Variants in MYO9A observed in about 807,000 individuals in gnomAD.
The protein encoded by MYO9A is unconventional myosin-IXa.
Under a neutral mutation model 293.3 loss-of-function variants are expected in MYO9A, and 103 were observed. That is an observed-to-expected ratio of 0.35 (90% CI 0.30 to 0.41). The LOEUF is 0.41. MYO9A is among the 10% of genes least tolerant of loss of function. The probability of loss-of-function intolerance (pLI) is 1.00; values close to 1 mark genes in which losing one functional copy is unlikely to be tolerated. For missense variants in MYO9A, 2,685 were observed against 3,033.0 expected (o/e 0.89, Z 2.69); for synonymous variants, 1,001 against 1,035.7 (o/e 0.97, Z 0.64).
At chr15:72,111,522 T>TAG (rs2080779603) in intron 1 of MYO9A, among the ~76,000 whole-genome samples, 1 of 150,810 alleles carries the variant, frequency 6.6e-6, no homozygotes. Context: ...AAACAGGAAA[T>TAG]AGACGTATTC....
At chr15:72,101,234 G>T (rs1455368531) in intron 1 of MYO9A, among the ~76,000 whole-genome samples, 1 of 134,158 alleles carries the variant, frequency 7.5e-6, no homozygotes, top group Non-Finnish European at 1.6e-5. Flanking sequence ...CCCCGTCCGG[G>T]AGGGAGGTGG....
intron 4 of MYO9A, among the ~76,000 whole-genome samples, 196 bp from the exon 5 acceptor site, chr15:72,021,213 G>T (rs186689861): frequency 1.1e-3 from 171 of 152,180 alleles, no homozygotes; most frequent in Non-Finnish European, 2.3e-3. Flanking sequence ...CAAAAGAGAG[G>T]GATGAAGGCA....
intron 16 of MYO9A, 29 bp downstream of exon 16, chr15:71,938,823 C>A: frequency 1.3e-6 from 2 of 1,546,952 alleles, no homozygotes; most frequent in East Asian, 2.3e-5. Context: ...TTCTATACGT[C>A]CTTGAAAACA....
rs200260254 is a variant in MYO9A at position 72,046,419 on chromosome 15, G to T, written c.145C>A (p.Leu49Ile). 68 of 1,614,198 alleles carry T rather than the reference G, an allele frequency of 4.2e-5. No individual in the cohort carries two copies. In the East Asian group the frequency reaches 1.5e-3, roughly 36 times the overall value. The change falls in exon 2 of 42, where the codon CTT (leucine) becomes ATT (isoleucine). Residue 49 changes from leucine to isoleucine, a missense_variant. Leu to Ile is a conservative substitution (Grantham distance 5). Coordinates refer to ENST00000356056, the MANE Select transcript of MYO9A (RefSeq NM_006901.4). ...TTGTCAAGATGAAGTTTGTTTATAA[G>T]AGACTCAATCACCTCAGCAGCTGTG... ...NSTAAEVIES[L>I]INKLHLDKTK...
At chr15:71,830,446 A>T in intron 39 of MYO9A, 135 bp from the exon 40 acceptor site, 2 of 821,534 alleles carry the variant, frequency 2.4e-6, no homozygotes, top group Non-Finnish European at 3.9e-6. Flanking sequence ...TGCGAGGCCT[A>T]GGATATTTAG....
At chr15:71,997,318 A>T (rs1428642793) in intron 9 of MYO9A, among the ~76,000 whole-genome samples, 1 of 152,112 alleles carries the variant, frequency 6.6e-6, no homozygotes, top group Non-Finnish European at 1.5e-5. Flanking sequence ...TAAAGAAATA[A>T]CAGCCGGGCG....
At chr15:71,901,120 A>G in intron 23 of MYO9A, 71 bp downstream of exon 23, 3 of 1,475,734 alleles carry the variant, frequency 2.0e-6, no homozygotes, top group Non-Finnish European at 2.7e-6. Flanking sequence ...TTTACAGTAA[A>G]AAGGTTCTGG....
chr15:71,898,035 ACTT>A lies in MYO9A; in HGVS notation c.4465_4467del (p.Lys1489del), dbSNP rs779532877. On this transcript the variant is annotated inframe_deletion, in exon 25 of 42. Transcript: ENST00000356056. Reference sequence around the variant, plus strand: ...TCCTTCTCAGTGTTTAGCTTTTCTAACTTCTTAAGCACAGGATTAGAAGACTCT... The same window carrying A: ...TCCTTCTCAGTGTTTAGCTTTTCTAACTTAAGCACAGGATTAGAAGACTCT... 3 of 1,614,052 alleles carry A rather than the reference ACTT, an allele frequency of 1.9e-6. No individual in the cohort carries two copies. The Admixed American group carries it at 5.0e-5, about 27-fold the overall frequency.
rs146956791 is a variant in MYO9A, at chr15:72,099,628, C to T, written c.-72+18052G>A. Among the ~76,000 whole-genome samples the T allele has an allele frequency of 5.6e-3, 850 of 151,496 alleles. 12 individuals are homozygous for T. The highest frequency in any genetic ancestry group is 0.019 in the African/African-American group (804 of 41,300). The stretch of plus-strand genomic sequence containing the variant: ...AAAAGAAAAAAAAACCAAGGCTGGG[C>T]GCGGTGGCTCATGCCTGTAATCCCA... On this transcript the variant is annotated intron_variant, in intron 1 of 41. Coordinates refer to ENST00000356056, the MANE Select transcript of MYO9A (RefSeq NM_006901.4).
chr15:71,984,159 T>C lies in MYO9A; in HGVS notation c.1723-5867A>G, dbSNP rs577281632. 1.1e-4 allele frequency among the ~76,000 whole-genome samples: 17 copies of C among 152,322 alleles called. No homozygotes were observed. In the East Asian group the frequency reaches 3.1e-3, roughly 28 times the overall value. ...GATATTCAACATTTTTACTATAAAA[T>C]AGGTATTGTGTTAGATGATTTTGCC... On this transcript the variant is annotated intron_variant, in intron 11 of 41. Coordinates refer to ENST00000356056, the MANE Select transcript of MYO9A (RefSeq NM_006901.4).
At chr15:71,881,053 T>C (rs1386152535) in intron 28 of MYO9A, among the ~76,000 whole-genome samples, 1 of 152,072 alleles carries the variant, frequency 6.6e-6, no homozygotes, top group African/African-American at 2.4e-5. Flanking sequence ...TCCTGAATAC[T>C]TCTGTGATAA....
At chr15:71,970,111 G>C (rs1427802554) in intron 12 of MYO9A, among the ~76,000 whole-genome samples, 1 of 152,150 alleles carries the variant, frequency 6.6e-6, no homozygotes, top group Non-Finnish European at 1.5e-5. Flanking sequence ...TGTAGATTCT[G>C]ATTCAACAGA....
Position 72,046,211 on chromosome 15 carries a change from T to C in MYO9A, c.353A>G (p.Tyr118Cys). The change falls in exon 2 of 42, where the codon TAT becomes TGT. Residue 118 changes from tyrosine to cysteine, a missense_variant. Transcript: ENST00000356056. The stretch of plus-strand genomic sequence containing the variant: ...CCGTAGCCATGACTGCAGGCTACCA[T>C]AATGGATTGATCCATCAAGGTTTTT... Reference protein sequence around the residue: ...REKNLDGSIHYGSLQSWLRVT... With the variant: ...REKNLDGSIHCGSLQSWLRVT... 6.2e-7 allele frequency: 1 copy of C among 1,614,084 alleles called. No homozygotes were observed. The highest frequency in any genetic ancestry group is 8.5e-7 in the Non-Finnish European group (1 of 1,179,984).
rs2054311564 is a variant in MYO9A, at chr15:71,822,425, C to T, written c.*4155G>A. On this transcript the variant is annotated 3_prime_UTR_variant, in exon 42 of 42. Transcript: ENST00000356056. ...CAGATGGTATCTTGTTACCCCTCAA[C>T]CCCCCAGCAAAGAAAAAAAAACAAA... 1 of 151,966 alleles carries T rather than the reference C, an allele frequency of 6.6e-6. No homozygotes were observed. Among genetic ancestry groups the T allele is most frequent in the African/African-American group, 2.4e-5 (1 of 41,360 alleles). 9.4% of individuals were successfully genotyped at this position (151,966 alleles called of 1,614,324 possible).
intron 2 of MYO9A, among the ~76,000 whole-genome samples, chr15:72,037,009 A>G (rs1014695917): frequency 6.6e-6 from 1 of 150,674 alleles, no homozygotes; most frequent in Non-Finnish European, 1.5e-5. Flanking sequence ...CTGGGATTAT[A>G]AGCATGAGCC....
chr15:72,081,260 G>C (rs1025191422), intron 1 of MYO9A, among the ~76,000 whole-genome samples: 2 of 152,110 alleles, frequency 1.3e-5, no homozygotes, highest in African/African-American at 4.8e-5. Flanking sequence ...TAGTCATTCT[G>C]ACTGGTGCGA....
rs757826237 is a variant in MYO9A at position 71,951,770 on chromosome 15, G to C, written c.2302+7C>G. 20 of 1,613,486 alleles carry C rather than the reference G, an allele frequency of 1.2e-5. No individual in the cohort carries two copies. Among genetic ancestry groups the C allele is most frequent in the Non-Finnish European group, 1.6e-5 (19 of 1,179,826 alleles). On this transcript the variant is annotated splice_region_variant and intron_variant, in intron 15 of 41. Coordinates refer to ENST00000356056, the MANE Select transcript of MYO9A (RefSeq NM_006901.4). ...TGATAACAGTTTATCAGGATTTGTAGCCTTACTGTACTTCTCTTCCTTGCA... is the reference window on the plus strand; with the variant it reads ...TGATAACAGTTTATCAGGATTTGTACCCTTACTGTACTTCTCTTCCTTGCA...
At chr15:72,056,635 T>C (rs1435554422) in intron 1 of MYO9A, among the ~76,000 whole-genome samples, 1 of 152,220 alleles carries the variant, frequency 6.6e-6, no homozygotes, top group Non-Finnish European at 1.5e-5. Context: ...GTATAGTGTA[T>C]ACTGCTCAGG....
chr15:72,028,939 T>G (rs565303944), intron 3 of MYO9A, among the ~76,000 whole-genome samples: 1 of 152,254 alleles, frequency 6.6e-6, no homozygotes, highest in East Asian at 1.9e-4. Context: ...ACTTACAAAT[T>G]AGTAGAGAAA....
Sources: gnomAD v4.1 joint callset for allele counts (sites outside exome capture counted in the v4.1 genomes callset) on GRCh38, gnomAD v4.1.1 for gene constraint, MANE v1.5 for transcripts, NCBI Gene and HGNC (gene_info 2026-07-23, HGNC 2026-07-21) for gene names.